MAP2: variants seen among roughly 807,000 people sequenced by gnomAD.
MAP2 encodes the protein microtubule-associated protein 2.
MAP2 carries 14 observed loss-of-function variants against 137.6 expected under a neutral mutation model. The observed-to-expected ratio is 0.10, with a 90% CI of 0.07 to 0.16. The LOEUF (loss-of-function observed/expected upper bound fraction) is 0.16, where lower values mean the gene tolerates loss of function less well. Among genes scored for constraint, MAP2 ranks in the 10% least tolerant of loss-of-function variants. The pLI is 1.00. For synonymous variants in MAP2, 786 were observed against 782.3 expected (o/e 1.00, Z -0.08); for missense variants, 2,088 against 2,191.5 (o/e 0.95, Z 0.94).
chr2:209,435,327 T>C (rs1366269506), intron 1 of MAP2, among the ~76,000 whole-genome samples: 1 of 151,750 alleles, frequency 6.6e-6, no homozygotes, highest in Non-Finnish European at 1.5e-5. Flanking sequence ...GGAGTGTCAT[T>C]GCCATGTGCA....
chr2:209,522,437 G>C (rs1194804650), intron 2 of MAP2, among the ~76,000 whole-genome samples: 1 of 152,160 alleles, frequency 6.6e-6, no homozygotes, highest in East Asian at 1.9e-4. Context: ...TAGTTGACAA[G>C]TCATAAACCT....
intron 11 of MAP2, chr2:209,704,737 C>A: frequency 1.1e-6 from 1 of 908,446 alleles, no homozygotes. Context: ...AAGTGTTTGA[C>A]ACATAAACAG....
chr2:209,692,672 A>T lies in MAP2; in HGVS notation c.502A>T (p.Thr168Ser), dbSNP rs374208822. ...GGAGTTCCACGATCAACAGGAATTG[A>T]CTCCCTCTACAGCTGAGCCTTCAGA... Reference protein sequence around the residue: ...KMEFHDQQELTPSTAEPSDQK... With the variant: ...KMEFHDQQELSPSTAEPSDQK... Residue 168 changes from threonine (T) to serine (S), a missense_variant, in exon 8 of 16, where the codon ACT becomes TCT. By Grantham distance (58) the Thr-to-Ser change is moderately conservative. Transcript: ENST00000682079. 14 of 1,598,364 alleles carry T rather than the reference A, an allele frequency of 8.8e-6. No individual in the cohort carries two copies. Among genetic ancestry groups the T allele is most frequent in the Middle Eastern group, 1.7e-4 (1 of 5,956 alleles).
intron 2 of MAP2, among the ~76,000 whole-genome samples, chr2:209,555,196 G>A (rs1175927705): frequency 6.6e-6 from 1 of 151,918 alleles, no homozygotes; most frequent in Non-Finnish European, 1.5e-5. Context: ...TTATTTGTTT[G>A]TTTTGTATGT....
At chr2:209,599,089 C>G (rs989974391) in intron 3 of MAP2, among the ~76,000 whole-genome samples, 5 of 152,140 alleles carry the variant, frequency 3.3e-5, no homozygotes, top group African/African-American at 1.2e-4. Flanking sequence ...TCCTATTTCT[C>G]CACATCCTCT....
chr2:209,706,518 A>G (rs1010232357), intron 12 of MAP2, among the ~76,000 whole-genome samples: 1 of 151,032 alleles, frequency 6.6e-6, no homozygotes, highest in Non-Finnish European at 1.5e-5. Context: ...CTGACCCTCT[A>G]GAGAGGGTAA....
intron 1 of MAP2, among the ~76,000 whole-genome samples, chr2:209,490,619 A>AAAAAAAAAAAAAAAAAAAC (rs2058977538): frequency 7.0e-6 from 1 of 142,366 alleles, no homozygotes; most frequent in Admixed American, 7.1e-5. Context: ...AAAAAAAAAA[A>AAAAAAAAAAAAAAAAAAAC]AAAAAAAAAA....
In MAP2 at chr2:209,435,636, T is replaced by C. The variant is rs575334674; in HGVS notation, c.-222+11360T>C. Among the ~76,000 whole-genome samples the C allele has an allele frequency of 1.4e-4, 21 of 151,754 alleles. No homozygotes were observed. The South Asian group carries it at 4.4e-3, about 31-fold the overall frequency. On this transcript the variant is annotated intron_variant, in intron 1 of 15. Coordinates refer to ENST00000682079, the MANE Select transcript of MAP2 (RefSeq NM_001375505.1). Reference sequence around the variant, plus strand: ...GGGAAATGGCATGAGGAATGTGATATATTCAGATTAGCAAGAAAAATTTGG... The same window carrying C: ...GGGAAATGGCATGAGGAATGTGATACATTCAGATTAGCAAGAAAAATTTGG...
chr2:209,723,667 C>T (rs370466923), intron 13 of MAP2: 4 of 1,613,740 alleles, frequency 2.5e-6, no homozygotes, highest in Non-Finnish European at 3.4e-6. Flanking sequence ...TAACATCAAA[C>T]ATTCGGCTGG....
At chr2:209,537,556 T>A (rs1318055707) in intron 2 of MAP2, among the ~76,000 whole-genome samples, 2 of 152,200 alleles carry the variant, frequency 1.3e-5, no homozygotes, top group African/African-American at 4.8e-5. Context: ...CAGGTATATG[T>A]GTATATTGTA....
At chr2:209,674,613 A>T (rs982612568) in intron 5 of MAP2, among the ~76,000 whole-genome samples, 1 of 149,506 alleles carries the variant, frequency 6.7e-6, no homozygotes, top group Non-Finnish European at 1.5e-5. Flanking sequence ...TCCCCTAAAT[A>T]TATAGATAGA....
At chr2:209,432,278 T>C (rs1422599778) in intron 1 of MAP2, among the ~76,000 whole-genome samples, 1 of 152,172 alleles carries the variant, frequency 6.6e-6, no homozygotes, top group African/African-American at 2.4e-5. Flanking sequence ...TCCACTTACC[T>C]TCCTACTCTT....
Position 209,693,987 on chromosome 2 carries a change from T to C in MAP2, c.1817T>C (p.Ile606Thr). The C allele has an allele frequency of 1.2e-6, 2 of 1,614,062 alleles. No homozygotes were observed. Among genetic ancestry groups the C allele is most frequent in the South Asian group, 1.1e-5 (1 of 91,058 alleles). ...SDTRESVHES[I>T]DTMSPMHKNG... ...ACTAGAGAAAGTGTCCATGAGTCTA[T>C]TGATACCATGTCTCCCATGCATAAA... is the stretch of plus-strand genomic sequence containing the variant. Residue 606 changes from isoleucine to threonine, a missense_variant, in exon 8 of 16, where the codon ATT (isoleucine) becomes ACT (threonine). Ile to Thr is a moderately conservative substitution (Grantham distance 89). Around this residue, in one of 6 missense-constraint regions of MAP2, gnomAD observed 859 missense variants for 794.5 expected, o/e 1.08. Transcript: ENST00000682079.
At chr2:209,499,795 G>T (rs767703335) in intron 1 of MAP2, among the ~76,000 whole-genome samples, 10 of 152,050 alleles carry the variant, frequency 6.6e-5, no homozygotes, top group Non-Finnish European at 1.5e-4. Context: ...AGGAGAGGGA[G>T]AATGCCGGGA....
At chr2:209,642,691 C>A (rs2094132044) in intron 4 of MAP2, among the ~76,000 whole-genome samples, 1 of 152,052 alleles carries the variant, frequency 6.6e-6, no homozygotes, top group African/African-American at 2.4e-5. Flanking sequence ...TACAATCAGC[C>A]TGAAATAAAG....
intron 1 of MAP2, among the ~76,000 whole-genome samples, chr2:209,424,742 C>A (rs1692069969): frequency 6.6e-6 from 1 of 152,134 alleles, no homozygotes; most frequent in South Asian, 2.1e-4. Context: ...AAGCCTTGTC[C>A]ATTTCAAATC....
In MAP2 at chr2:209,696,594, G is replaced by A. The variant is rs750358138; in HGVS notation, c.4233G>A (p.Glu1411=). 2 of 1,613,782 alleles carry A rather than the reference G, an allele frequency of 1.2e-6. No individual in the cohort carries two copies. Among genetic ancestry groups the A allele is most frequent in the African/African-American group, 2.7e-5 (2 of 74,874 alleles). ...TEQLETIPKE[E]KAEKEARRSS... is the part of the protein sequence containing the mutation. ...AGTTAGAAACTATTCCTAAAGAGGA[G>A]AAAGCTGAAAAGGAAGCTCGGAGAT... The change falls in exon 9 of 16, where the codon GAG becomes GAA. Residue 1411 remains glutamate (E), a synonymous_variant. Transcript: ENST00000682079.
intron 4 of MAP2, among the ~76,000 whole-genome samples, chr2:209,641,241 T>G (rs1321713960): frequency 6.6e-6 from 1 of 152,120 alleles, no homozygotes; most frequent in African/African-American, 2.4e-5. Flanking sequence ...CAAAGAAGAT[T>G]TACTTTTATG....
chr2:209,502,624 A>G (rs923745649), intron 1 of MAP2, among the ~76,000 whole-genome samples: 4 of 152,312 alleles, frequency 2.6e-5, no homozygotes, highest in African/African-American at 9.6e-5. Flanking sequence ...TTGCTGGATC[A>G]AATTGTAGTT....
Sources: gnomAD v4.1 joint callset for allele counts (sites outside exome capture counted in the v4.1 genomes callset) on GRCh38, gnomAD v4.1.1 for gene constraint, gnomAD v4.1.1 regional missense constraint, MANE v1.5 for transcripts, NCBI Gene and HGNC (gene_info 2026-07-23, HGNC 2026-07-21) for gene names.